USP36: variants seen among roughly 807,000 people sequenced by gnomAD.
USP36 encodes the protein ubiquitin carboxyl-terminal hydrolase 36.
In USP36, 59 loss-of-function variants were observed where a neutral mutation model predicts 111.5. The observed-to-expected ratio is 0.53, with a 90% confidence interval of 0.43 to 0.66. The LOEUF (loss-of-function observed/expected upper bound fraction) is 0.66, where lower values mean the gene tolerates loss of function less well. Among genes scored for constraint, USP36 ranks in the 30% least tolerant of loss-of-function variants. The pLI, the probability that USP36 is intolerant of heterozygous loss-of-function variation, is 0.00. For synonymous variants in USP36, 628 were observed against 581.0 expected (o/e 1.08, Z -1.16); for missense variants, 1,488 against 1,468.0 (o/e 1.01, Z -0.22).
At chr17:78,826,577 A>T (rs2067560883) in intron 6 of USP36, 2 of 154,920 alleles carry the variant, frequency 1.3e-5, no homozygotes, top group Admixed American at 6.3e-5. Context: ...TATATTCCCT[A>T]AACTATTTAA....
Position 78,812,980 on chromosome 17 carries a change from AC to A in USP36, c.1286del (p.Ser429IlefsTer20), listed in dbSNP as rs1228392314. 1.2e-6 allele frequency: 2 copies of A among 1,614,058 alleles called. No individual in the cohort carries two copies. The highest frequency in any genetic ancestry group is 1.7e-6 in the Non-Finnish European group (2 of 1,180,000). ...FYLRIPGSKK[S>X]PEGLISRTGS... ...CTGTCCTGGAGATGAGGCCCTCGGG[AC>A]TTTTCTTAGAGCCTGGAATTCTGTC... On this transcript the variant is annotated frameshift_variant, in exon 13 of 21. Coordinates refer to ENST00000449938, the MANE Select transcript of USP36 (RefSeq NM_001385174.1). LOFTEE classifies it high-confidence loss of function.
chr17:78,800,838 A>T (rs1056300741), intron 17 of USP36, among the ~76,000 whole-genome samples: 3 of 152,190 alleles, frequency 2.0e-5, no homozygotes, highest in African/African-American at 7.2e-5. Context: ...ACTTCAGTAG[A>T]CACAACCAGC....
rs2093777074 is a variant in USP36, at chr17:78,802,445, C to T, written c.2901G>A (p.Arg967=). ...KKKKRKQETQ[R]AVEEDGHLKC... ...TGAGATGCCCATCCTCTTCTACTGC[C>T]CGCTGTGTCTCCTGCTTTCTTTTTT... Residue 967 remains arginine, a synonymous_variant, in exon 17 of 21, where the codon CGG becomes CGA. Coordinates refer to ENST00000449938, the MANE Select transcript of USP36 (RefSeq NM_001385174.1). The T allele has an allele frequency of 6.2e-7, 1 of 1,610,860 alleles. No individual in the cohort carries two copies. The highest frequency in any genetic ancestry group is 8.5e-7 in the Non-Finnish European group (1 of 1,179,042).
At chr17:78,825,682 G>A (rs1365502584) in intron 6 of USP36, among the ~76,000 whole-genome samples, 2 of 152,100 alleles carry the variant, frequency 1.3e-5, no homozygotes, top group African/African-American at 2.4e-5. Context: ...TTCTTCCACC[G>A]TAGACTCTGG....
At chr17:78,814,348 T>G in intron 11 of USP36, 64 bp downstream of exon 11, 2 of 1,595,990 alleles carry the variant, frequency 1.3e-6, no homozygotes, top group Non-Finnish European at 1.7e-6. Context: ...AGAGGCCGCA[T>G]CTGGATGTGC....
intron 8 of USP36, 137 bp from the exon 9 acceptor site, chr17:78,820,149 G>A (rs2094284582): frequency 2.5e-6 from 2 of 789,850 alleles, no homozygotes; most frequent in Admixed American, 2.5e-5. Flanking sequence ...TTGCCCACTA[G>A]CTGCCAGATT....
chr17:78,840,625 G>T, intron 1 of USP36, 111 bp downstream of exon 1: 1 of 152,394 alleles, frequency 6.6e-6, no homozygotes, highest in Non-Finnish European at 1.5e-5. Flanking sequence ...CGTTCTCCCT[G>T]AGCGTCCCGG....
At chr17:78,834,847 G>A (rs963424483) in intron 4 of USP36, among the ~76,000 whole-genome samples, 1 of 151,948 alleles carries the variant, frequency 6.6e-6, no homozygotes. Context: ...TAGGCATGGT[G>A]GCTCACACTT....
At chr17:78,813,567 G>A (rs9909968) in intron 12 of USP36, among the ~76,000 whole-genome samples, 9,069 of 152,230 alleles carry the variant, frequency 0.06, 875 homozygotes, top group African/African-American at 0.21. Context: ...ATCAATGTGA[G>A]GGCAGATGGG....
intron 17 of USP36, among the ~76,000 whole-genome samples, chr17:78,800,360 C>T (rs535943272): frequency 6.6e-6 from 1 of 152,362 alleles, no homozygotes; most frequent in East Asian, 1.9e-4. Flanking sequence ...CCAGGGGGAA[C>T]CTGGTCCCCA....
intron 13 of USP36, among the ~76,000 whole-genome samples, chr17:78,812,291 T>G (rs532383402): frequency 5.3e-5 from 8 of 152,206 alleles, no homozygotes; most frequent in Non-Finnish European, 1.0e-4. Context: ...GCTGGTCTCA[T>G]GAGTAGAACA....
downstream of USP36, among the ~76,000 whole-genome samples, chr17:78,792,822 A>G (rs1320355424): frequency 2.0e-5 from 3 of 152,080 alleles, no homozygotes; most frequent in African/African-American, 7.2e-5. Flanking sequence ...AGGTTCAAGC[A>G]GTTCTCCTGC....
At chr17:78,792,766 T>A (rs926145673), downstream of USP36, among the ~76,000 whole-genome samples, 2 of 152,092 alleles carry the variant, frequency 1.3e-5, no homozygotes, top group African/African-American at 4.8e-5. Flanking sequence ...TCGCCCAGGC[T>A]GGAGTGCAGT....
intron 13 of USP36, among the ~76,000 whole-genome samples, chr17:78,810,486 C>T (rs1227293222): frequency 6.6e-6 from 1 of 152,022 alleles, no homozygotes; most frequent in Non-Finnish European, 1.5e-5. Context: ...CAGGGTTTTG[C>T]CCAGGTTGGT....
chr17:78,828,807 C>T lies in USP36; in HGVS notation c.586+90G>A, dbSNP rs151130507. Reference sequence around the variant, plus strand: ...ACTGCTTAAGGCCAGGAATTTAAGACCAGCCTGGGCAACATAGCGAGAACC... The same window carrying T: ...ACTGCTTAAGGCCAGGAATTTAAGATCAGCCTGGGCAACATAGCGAGAACC... On this transcript the variant is annotated intron_variant, in intron 5 of 20. Transcript: ENST00000449938. 8.0e-5 allele frequency: 106 copies of T among 1,318,792 alleles called. No homozygotes were observed. The African/African-American group carries it at 1.4e-3, about 18-fold the overall frequency. The allele number at this position is 1,318,792 out of a possible 1,614,324, so 81.7% of individuals were successfully genotyped here.
chr17:78,807,627 A>G lies in USP36; in HGVS notation c.1417T>C (p.Ser473Pro). 1 of 1,527,714 alleles carries G rather than the reference A, an allele frequency of 6.5e-7. No individual in the cohort carries two copies. Among genetic ancestry groups the G allele is most frequent in the Non-Finnish European group, 8.8e-7 (1 of 1,138,354 alleles). 94.6% of individuals were successfully genotyped at this position (1,527,714 alleles called of 1,614,324 possible). A position where few individuals can be genotyped will look rare whatever the true frequency, so the allele number is the denominator to read the frequency against. The change falls in exon 14 of 21, where the codon TCT becomes CCT. Residue 473 changes from serine to proline, a missense_variant. Ser to Pro is a moderately conservative substitution (Grantham distance 74, BLOSUM62 -1). Coordinates refer to ENST00000449938, the MANE Select transcript of USP36 (RefSeq NM_001385174.1). ...GTGTGCGGCTTCTTCATCGTCCCAG[A>G]GTCTTGTCGCTAAGGAGACCAAAGC... ...SSPLTGKRQD[S>P]GTMKKPHTTE...
rs7210763 is a variant in USP36 at position 78,814,538 on chromosome 17, C to T, written c.1038G>A (p.Pro346=). 7,646 of 1,613,862 alleles carry T rather than the reference C, an allele frequency of 4.7e-3. 320 individuals are homozygous for T. In the African/African-American group the frequency reaches 0.087, roughly 18 times the overall value. The change falls in exon 11 of 21, where the codon CCG becomes CCA. Residue 346 remains proline, a synonymous_variant. Transcript: ENST00000449938. ...GGKITKDVGY[P]EFLNIRPYMS... ...TATACGGACGTATGTTGAGGAATTC[C>T]GGATAGCCTACATCCTGTTTGAAAA...
downstream of USP36, among the ~76,000 whole-genome samples, chr17:78,793,720 A>G (rs2093601545): frequency 2.0e-5 from 3 of 152,158 alleles, no homozygotes; most frequent in African/African-American, 7.2e-5. Context: ...TTCTCACAGC[A>G]CCGTCCAGTG....
chr17:78,804,503 A>C lies in USP36; in HGVS notation c.2217-525T>G, dbSNP rs1350084583. 2.6e-3 allele frequency among the ~76,000 whole-genome samples: 391 copies of C among 151,140 alleles called. 3 individuals are homozygous for C. Among genetic ancestry groups the C allele is most frequent in the Admixed American group, 0.022 (326 of 15,160 alleles). Reference sequence around the variant, plus strand: ...AAAAACAAAAACAAAAACAAAAAAAAAAAAACAAAGTTACCTAGGTGGTGG... The same window carrying C: ...AAAAACAAAAACAAAAACAAAAAAACAAAAACAAAGTTACCTAGGTGGTGG... On this transcript the variant is annotated intron_variant, in intron 15 of 20. Coordinates refer to ENST00000449938, the MANE Select transcript of USP36 (RefSeq NM_001385174.1).
Sources: allele counts gnomAD v4.1 joint callset (sites outside exome capture counted in the v4.1 genomes callset), GRCh38; gene constraint gnomAD v4.1.1; transcripts MANE v1.5; gene names NCBI Gene and HGNC (gene_info 2026-07-23, HGNC 2026-07-21).